The following CNTNAP2 variants were observed in gnomAD, a reference collection of about 807,000 sequenced individuals.
CNTNAP2 encodes contactin-associated protein-like 2.
Under a neutral mutation model 155.2 loss-of-function variants are expected in CNTNAP2, and 98 were observed. The ratio of observed to expected loss-of-function variants is 0.63; its 90% CI spans 0.54 to 0.75. The LOEUF (loss-of-function observed/expected upper bound fraction) is 0.75. Ranked by LOEUF, CNTNAP2 falls within the 30% of genes least tolerant of loss-of-function variation. CNTNAP2 has a pLI of 0.00. For synonymous variants in CNTNAP2, 651 were observed against 631.2 expected (o/e 1.03, Z -0.47); for missense variants, 1,727 against 1,688.1 (o/e 1.02, Z -0.40).
rs570237798 is a variant in CNTNAP2 at position 146,827,938 on chromosome 7, T to C, written c.209-11773T>C. On this transcript the variant is annotated intron_variant, in intron 2 of 23. Coordinates refer to ENST00000361727, the MANE Select transcript of CNTNAP2 (RefSeq NM_014141.6). Reference sequence around the variant, plus strand: ...ACTAGATTATATTATTTTTATTGCCTTTATTTTTCACACATAAGACTTCAT... The same window carrying C: ...ACTAGATTATATTATTTTTATTGCCCTTATTTTTCACACATAAGACTTCAT... 5.1e-4 allele frequency among the ~76,000 whole-genome samples: 77 copies of C among 152,220 alleles called. 3 individuals carry two copies. The East Asian group carries it at 0.014, about 27-fold the overall frequency.
At position 148,229,666 on chromosome 7, in the gene CNTNAP2, A is replaced by T. The variant is rs1379274198; in HGVS notation, c.3268A>T (p.Asn1090Tyr). The T allele has an allele frequency of 1.2e-6, 2 of 1,614,092 alleles. No homozygotes were observed. The highest frequency in any genetic ancestry group is 2.7e-5 in the African/African-American group (2 of 74,940). ...TATAGGAAGCTTACAGATTCGATAC[A>T]ACCTGGGTGGCACCCGAGAGCCATA... ...KPTGSLQIRY[N>Y]LGGTREPYNI... is the part of the protein sequence containing the mutation. Residue 1090 changes from asparagine to tyrosine, a missense_variant, in exon 20 of 24, where the codon AAC becomes TAC. Asn to Tyr is a moderately radical substitution (Grantham distance 143). Coordinates refer to ENST00000361727, the MANE Select transcript of CNTNAP2 (RefSeq NM_014141.6).
intron 13 of CNTNAP2, among the ~76,000 whole-genome samples, chr7:147,844,998 A>T (rs1428269414): frequency 3.7e-3 from 481 of 129,918 alleles, no homozygotes; most frequent in Non-Finnish European, 4.8e-3. Context: ...TCGGTTTGCC[A>T]GTATTTTATT....
intron 13 of CNTNAP2, among the ~76,000 whole-genome samples, chr7:147,776,896 T>G (rs904872522): frequency 6.6e-6 from 1 of 152,042 alleles, no homozygotes; most frequent in Non-Finnish European, 1.5e-5. Flanking sequence ...TCTCTTTTTA[T>G]TAATGCTTAT....
chr7:146,217,890 C>A (rs987801446), intron 1 of CNTNAP2, among the ~76,000 whole-genome samples: 1 of 152,088 alleles, frequency 6.6e-6, no homozygotes, highest in Admixed American at 6.6e-5. Context: ...CCCCTCTTAA[C>A]TTATGGATAC....
intron 8 of CNTNAP2, among the ~76,000 whole-genome samples, chr7:147,195,025 G>A (rs1300348217): frequency 6.6e-6 from 1 of 152,128 alleles, no homozygotes; most frequent in African/African-American, 2.4e-5. Context: ...TATTGCCTAG[G>A]TTTTCTTCAA....
At chr7:146,197,525 G>T (rs541997526) in intron 1 of CNTNAP2, among the ~76,000 whole-genome samples, 1 of 152,186 alleles carries the variant, frequency 6.6e-6, no homozygotes, top group South Asian at 2.1e-4. Context: ...TTTGTTCCAT[G>T]ATACTATTTT....
At chr7:147,365,074 T>C (rs1314723804) in intron 9 of CNTNAP2, among the ~76,000 whole-genome samples, 1 of 152,146 alleles carries the variant, frequency 6.6e-6, no homozygotes, top group Non-Finnish European at 1.5e-5. Flanking sequence ...CATTCTTTAA[T>C]TTCTATTCTT....
chr7:147,423,324 C>T (rs1797327488), intron 10 of CNTNAP2, among the ~76,000 whole-genome samples: 1 of 152,106 alleles, frequency 6.6e-6, no homozygotes, highest in African/African-American at 2.4e-5. Flanking sequence ...TTTCAAGGAT[C>T]ATGGAATCGG....
chr7:147,492,681 A>C (rs1798629671), intron 11 of CNTNAP2, among the ~76,000 whole-genome samples: 1 of 152,116 alleles, frequency 6.6e-6, no homozygotes, highest in Non-Finnish European at 1.5e-5. Context: ...TTCCAGAAAA[A>C]TGACTGTCTC....
intron 3 of CNTNAP2, among the ~76,000 whole-genome samples, chr7:146,904,221 G>A (rs1796067792): frequency 6.6e-6 from 1 of 151,972 alleles, no homozygotes. Context: ...CTCTAGCATA[G>A]CAAGCACACC....
intron 13 of CNTNAP2, among the ~76,000 whole-genome samples, chr7:147,741,678 G>T (rs1422656789): frequency 6.6e-6 from 1 of 152,124 alleles, no homozygotes; most frequent in Non-Finnish European, 1.5e-5. Context: ...CAGATGTTCA[G>T]TTATTTTGAA....
At chr7:146,783,043 G>A (rs935649283) in intron 2 of CNTNAP2, among the ~76,000 whole-genome samples, 1 of 151,870 alleles carries the variant, frequency 6.6e-6, no homozygotes, top group African/African-American at 2.4e-5. Context: ...GTATTTTTGG[G>A]GTGTTAAGAC....
intron 3 of CNTNAP2, among the ~76,000 whole-genome samples, chr7:146,858,389 G>A (rs1795033762): frequency 6.6e-6 from 1 of 152,160 alleles, no homozygotes; most frequent in East Asian, 1.9e-4. Flanking sequence ...TTCATCCTAA[G>A]GTAAACTGTT....
intron 15 of CNTNAP2, among the ~76,000 whole-genome samples, chr7:148,065,270 T>C (rs1372988772): frequency 6.6e-6 from 1 of 152,210 alleles, no homozygotes; most frequent in Non-Finnish European, 1.5e-5. Flanking sequence ...ATTCTGTGGT[T>C]GTTGGGTGGA....
chr7:147,048,630 C>A (rs73467045), intron 4 of CNTNAP2, among the ~76,000 whole-genome samples: 1 of 152,132 alleles, frequency 6.6e-6, no homozygotes, highest in African/African-American at 2.4e-5. Flanking sequence ...TATGCTCTAG[C>A]CACTAACCAT....
chr7:148,272,070 G>A (rs1192896149), intron 21 of CNTNAP2, among the ~76,000 whole-genome samples: 2 of 152,152 alleles, frequency 1.3e-5, no homozygotes, highest in African/African-American at 4.8e-5. Flanking sequence ...ACAGAAAAAG[G>A]ATGAAAGAAA....
chr7:146,996,548 T>G (rs1798311240), intron 3 of CNTNAP2, among the ~76,000 whole-genome samples: 1 of 152,144 alleles, frequency 6.6e-6, no homozygotes, highest in African/African-American at 2.4e-5. Context: ...GATTTTGATT[T>G]TTGTGTTAAT....
chr7:147,030,929 T>G lies in CNTNAP2; in HGVS notation c.403-12978T>G, dbSNP rs1024639743. Among the ~76,000 whole-genome samples, 19 of 152,296 alleles carry G rather than the reference T, an allele frequency of 1.2e-4. No individual in the cohort carries two copies. In the Middle Eastern group the frequency reaches 0.014, roughly 109 times the overall value. ...ATTTTTAATTCTCTATTGGTTAATT[T>G]TATTACATTTAATAATATACTTACA... On this transcript the variant is annotated intron_variant, in intron 3 of 23. Coordinates refer to ENST00000361727, the MANE Select transcript of CNTNAP2 (RefSeq NM_014141.6).
intron 20 of CNTNAP2, among the ~76,000 whole-genome samples, chr7:148,252,310 A>G (rs976989424): frequency 6.6e-6 from 1 of 152,270 alleles, no homozygotes; most frequent in Non-Finnish European, 1.5e-5. Flanking sequence ...TTGAGTCCCA[A>G]CGTAGCTACA....
Sources: allele counts gnomAD v4.1 joint callset (sites outside exome capture counted in the v4.1 genomes callset), GRCh38; gene constraint gnomAD v4.1.1; transcripts MANE v1.5; gene names NCBI Gene and HGNC (gene_info 2026-07-23, HGNC 2026-07-21).